Variants in LRRC9 observed in about 807,000 individuals in gnomAD.
LRRC9 encodes leucine rich repeat containing 9.
Under a neutral mutation model 63.2 loss-of-function variants are expected in LRRC9, and 122 were observed. The ratio of observed to expected loss-of-function variants is 1.93; its 90% CI spans 1.67 to 2.24. The LOEUF (loss-of-function observed/expected upper bound fraction) is 2.24, where lower values mean the gene tolerates loss of function less well. Ranked by LOEUF, LRRC9 falls within the 30% of genes most tolerant of loss-of-function variation. The probability of loss-of-function intolerance (pLI) is 0.00; values close to 1 mark genes in which losing one functional copy is unlikely to be tolerated. For synonymous variants in LRRC9, 366 were observed against 213.1 expected (o/e 1.72, Z -6.25); for missense variants, 1,071 against 627.7 (o/e 1.71, Z -7.55).
In LRRC9 at chr14:59,983,325, T is replaced by G. The variant is rs138648268; in HGVS notation, c.2091+1265T>G. Among the ~76,000 whole-genome samples, 12 of 152,358 alleles carry G rather than the reference T, an allele frequency of 7.9e-5. No homozygotes were observed. The East Asian group carries it at 2.3e-3, about 29-fold the overall frequency. Reference sequence around the variant, plus strand: ...AGGCCCTGTCCTGTGTCTGTAAATGTGCAGCATAATAAGAGCAATCTTCTG... The same window carrying G: ...AGGCCCTGTCCTGTGTCTGTAAATGGGCAGCATAATAAGAGCAATCTTCTG... On this transcript the variant is annotated intron_variant, in intron 16 of 31. Transcript: ENST00000445360.
At chr14:59,982,368 T>C (rs899899203) in intron 16 of LRRC9, among the ~76,000 whole-genome samples, 2 of 152,256 alleles carry the variant, frequency 1.3e-5, no homozygotes, top group Admixed American at 6.5e-5. Context: ...TCTATTTCTA[T>C]AACAAAATAC....
chr14:59,933,152 T>C (rs1889848427), intron 6 of LRRC9, among the ~76,000 whole-genome samples: 1 of 152,162 alleles, frequency 6.6e-6, no homozygotes, highest in East Asian at 1.9e-4. Flanking sequence ...TTTCAAAATA[T>C]TGTGTTGTAA....
chr14:60,034,015 C>CTTTTTTTTTTTTTTTTTTTTTT (rs1157239003), intron 29 of LRRC9, among the ~76,000 whole-genome samples: 3 of 116,058 alleles, frequency 2.6e-5, no homozygotes, highest in African/African-American at 1.1e-4. Flanking sequence ...TTTTTTCTTT[C>CTTTTTTTTTTTTTTTTTTTTTT]TTTTTTTTTT....
chr14:60,046,263 C>T (rs568276748), intron 29 of LRRC9, among the ~76,000 whole-genome samples: 1 of 152,288 alleles, frequency 6.6e-6, no homozygotes, highest in East Asian at 1.9e-4. Context: ...CATGCAGAAG[C>T]TCCTTAGTTT....
At position 59,986,158 on chromosome 14, in the gene LRRC9, A is replaced by T. The variant is rs1263815517; in HGVS notation, c.2211+934A>T. Among the ~76,000 whole-genome samples the T allele has an allele frequency of 6.6e-6, 1 of 152,180 alleles. No individual in the cohort carries two copies. The highest frequency in any genetic ancestry group is 2.4e-5 in the African/African-American group (1 of 41,442). On this transcript the variant is annotated intron_variant, in intron 17 of 31. Transcript: ENST00000445360. The surrounding 1 kb of genome is among the most constrained non-coding windows in gnomAD (Gnocchi z 4.7). ...TTTGCCTTCTTGTATATCATAGGAC[A>T]ATACAGGAATGCACATGTACACATA... is the stretch of plus-strand genomic sequence containing the variant.
At chr14:59,954,025 C>T (rs1359622179) in intron 8 of LRRC9, among the ~76,000 whole-genome samples, 6 of 151,996 alleles carry the variant, frequency 3.9e-5, no homozygotes, top group Non-Finnish European at 8.8e-5. Flanking sequence ...TCTATATATC[C>T]ATTTTGGTAC....
intron 16 of LRRC9, among the ~76,000 whole-genome samples, chr14:59,984,564 G>C (rs1434713957): frequency 6.6e-6 from 1 of 152,142 alleles, no homozygotes; most frequent in East Asian, 1.9e-4. Context: ...AAATGGACAA[G>C]AAAAGTCTGG....
intron 21 of LRRC9, 141 bp from the exon 22 acceptor site, chr14:60,006,256 G>A (rs1889799039): frequency 1.9e-6 from 1 of 529,748 alleles, no homozygotes. Context: ...AAGGCTTAAA[G>A]CAATGATGGT....
chr14:59,955,331 G>C (rs929140216), intron 8 of LRRC9, among the ~76,000 whole-genome samples: 8 of 152,120 alleles, frequency 5.3e-5, no homozygotes, highest in Non-Finnish European at 8.8e-5. Context: ...ACTTGTTATT[G>C]GTCTTTTCAT....
In LRRC9 at chr14:59,938,916, T is replaced by C. The variant is rs1198219978; in HGVS notation, c.726+344T>C. On this transcript the variant is annotated intron_variant, in intron 7 of 31. Coordinates refer to ENST00000445360, the Ensembl canonical transcript of LRRC9. This position sits in a 1 kb window ranked among gnomAD's most constrained non-coding sequence, Gnocchi z 4.2. ...ACACATATATATACATATATACACA[T>C]ATGCATATATATACACATATATACA... 7.1e-6 allele frequency among the ~76,000 whole-genome samples: 1 copy of C among 141,698 alleles called. No individual in the cohort carries two copies. Among genetic ancestry groups the C allele is most frequent in the Non-Finnish European group, 1.5e-5 (1 of 66,756 alleles). 93.0% of individuals were successfully genotyped at this position (141,698 alleles called of 152,430 possible).
At chr14:59,970,155 C>T (rs111808258) in intron 12 of LRRC9, among the ~76,000 whole-genome samples, 4,655 of 147,402 alleles carry the variant, frequency 0.032, 196 homozygotes, top group African/African-American at 0.1. Context: ...TGTTGTTCCT[C>T]TTTATGTGTT....
chr14:60,004,516 A>T lies in LRRC9; in HGVS notation c.2842+718A>T, dbSNP rs1566867994. 6.6e-6 allele frequency among the ~76,000 whole-genome samples: 1 copy of T among 152,088 alleles called. No homozygotes were observed. The highest frequency in any genetic ancestry group is 2.4e-5 in the African/African-American group (1 of 41,448). On this transcript the variant is annotated intron_variant, in intron 21 of 31. Transcript: ENST00000445360. The surrounding 1 kb of genome is among the most constrained non-coding windows in gnomAD (Gnocchi z 4.8). ...TTTATTTGACTGTTTAAAGTTCAGT[A>T]TTAAAACATATTTTTCTGAACCAGA...
rs1889610918 is a variant in LRRC9 at position 60,004,051 on chromosome 14, A to C, written c.2842+253A>C. On this transcript the variant is annotated intron_variant, in intron 21 of 31. Transcript: ENST00000445360. The surrounding 1 kb of genome is among the most constrained non-coding windows in gnomAD (Gnocchi z 4.8). Reference sequence around the variant, plus strand: ...TAAATGGATACAATATTATCTGTCAAATTAAAAAATAAAAGATAAATAAAA... The same window carrying C: ...TAAATGGATACAATATTATCTGTCACATTAAAAAATAAAAGATAAATAAAA... 6.6e-6 allele frequency among the ~76,000 whole-genome samples: 1 copy of C among 152,196 alleles called. No homozygotes were observed. Among genetic ancestry groups the C allele is most frequent in the Admixed American group, 6.5e-5 (1 of 15,272 alleles).
In LRRC9 at chr14:60,058,672, C is replaced by T. The variant is rs1894454064; in HGVS notation, c.4276+650C>T. 6.6e-6 allele frequency among the ~76,000 whole-genome samples: 1 copy of T among 152,092 alleles called. No individual in the cohort carries two copies. Among genetic ancestry groups the T allele is most frequent in the African/African-American group, 2.4e-5 (1 of 41,424 alleles). On this transcript the variant is annotated intron_variant, in intron 31 of 31. Coordinates refer to ENST00000445360, the Ensembl canonical transcript of LRRC9. This position sits in a 1 kb window ranked among gnomAD's most constrained non-coding sequence, Gnocchi z 4.4. ...ATTTTGGCAAAACTGGGGGTAAGTA[C>T]TCCTTCTCTGAGGGCTCACCTCTTC...
At chr14:60,044,386 G>C (rs1453011780) in intron 29 of LRRC9, among the ~76,000 whole-genome samples, 2 of 151,898 alleles carry the variant, frequency 1.3e-5, no homozygotes, top group Non-Finnish European at 2.9e-5. Context: ...ACATCATTAG[G>C]GTGTTTATTT....
At position 59,966,954 on chromosome 14, in the gene LRRC9, A is replaced by T; in HGVS notation, c.1389-142A>T. 1.9e-6 allele frequency: 1 copy of T among 538,216 alleles called. No individual in the cohort carries two copies. Among genetic ancestry groups the T allele is most frequent in the Non-Finnish European group, 3.3e-6 (1 of 300,286 alleles). 33.3% of individuals were successfully genotyped at this position (538,216 alleles called of 1,614,324 possible). A position where few individuals can be genotyped will look rare whatever the true frequency, so the allele number is the denominator to read the frequency against. ...ACATTGAGCCTGTTTTTGAGGTTGA[A>T]GGCAGGGGAGCTATTAATAATGACA... On this transcript the variant is annotated intron_variant, in intron 11 of 31. Coordinates refer to ENST00000445360, the Ensembl canonical transcript of LRRC9. This position sits in a 1 kb window ranked among gnomAD's most constrained non-coding sequence, Gnocchi z 4.0.
intron 29 of LRRC9, among the ~76,000 whole-genome samples, chr14:60,049,166 C>T (rs1178582351): frequency 6.6e-6 from 1 of 152,120 alleles, no homozygotes. Context: ...TACAATCTCC[C>T]AACCAATATC....
At chr14:60,022,778 T>C in exon 27 of LRRC9, 1 of 690,496 alleles carries the variant, frequency 1.4e-6, no homozygotes, top group Non-Finnish European at 2.6e-6. Context: ...ATGCACAGTT[T>C]AGAAGTTCTT....
At chr14:59,937,872 A>G (rs1180939965) in intron 6 of LRRC9, among the ~76,000 whole-genome samples, 1 of 152,150 alleles carries the variant, frequency 6.6e-6, no homozygotes. Flanking sequence ...ACAGGTGTTT[A>G]TGGAAAAAAC....
Sources: gnomAD v4.1 joint callset for allele counts (sites outside exome capture counted in the v4.1 genomes callset) on GRCh38, gnomAD v4.1.1 for gene constraint, Gnocchi (gnomAD v3.1) non-coding constraint, MANE v1.5 for transcripts, NCBI Gene and HGNC (gene_info 2026-07-23, HGNC 2026-07-21) for gene names.